LDLRAD3: variants seen among roughly 807,000 people sequenced by gnomAD.
LDLRAD3 encodes the protein low-density lipoprotein receptor class A domain-containing protein 3.
A neutral mutation model predicts 29.4 loss-of-function variants in LDLRAD3; 20 were observed. The observed-to-expected ratio is 0.68, with a 90% CI of 0.48 to 0.99. The LOEUF (loss-of-function observed/expected upper bound fraction) is 0.99. Ranked by LOEUF, LDLRAD3 falls within the 50% of genes least tolerant of loss-of-function variation. The pLI is 0.00. For synonymous variants in LDLRAD3, 157 were observed against 192.7 expected (o/e 0.81, Z 1.53); for missense variants, 420 against 454.3 (o/e 0.92, Z 0.69).
At chr11:36,114,387 G>A (rs1853646822) in intron 4 of LDLRAD3, among the ~76,000 whole-genome samples, 1 of 152,174 alleles carries the variant, frequency 6.6e-6, no homozygotes, top group South Asian at 2.1e-4. Flanking sequence ...TGCCCCAAAT[G>A]TCAAGTGGAA....
chr11:35,981,818 G>A (rs1440912110), intron 1 of LDLRAD3, among the ~76,000 whole-genome samples: 1 of 152,214 alleles, frequency 6.6e-6, no homozygotes, highest in Non-Finnish European at 1.5e-5. Context: ...AGAACACACT[G>A]TGGGGGTGAG....
intron 2 of LDLRAD3, among the ~76,000 whole-genome samples, chr11:36,038,595 T>C (rs1382157248): frequency 6.6e-6 from 1 of 152,186 alleles, no homozygotes; most frequent in Non-Finnish European, 1.5e-5. Flanking sequence ...GTCTCATGAT[T>C]TTAGAATTCA....
At chr11:35,957,584 C>G (rs1851218729) in intron 1 of LDLRAD3, among the ~76,000 whole-genome samples, 1 of 152,010 alleles carries the variant, frequency 6.6e-6, no homozygotes, top group Non-Finnish European at 1.5e-5. Flanking sequence ...ATCACCTGAG[C>G]TCAGGAGTTT....
chr11:35,987,586 G>T (rs971899924), intron 1 of LDLRAD3, among the ~76,000 whole-genome samples: 7 of 152,170 alleles, frequency 4.6e-5, no homozygotes, highest in African/African-American at 1.4e-4. Context: ...CAGAGGACAA[G>T]ATTTTGTTAT....
chr11:36,160,379 G>C (rs1854421520), intron 4 of LDLRAD3, among the ~76,000 whole-genome samples: 1 of 152,266 alleles, frequency 6.6e-6, no homozygotes, highest in Non-Finnish European at 1.5e-5. Context: ...GGGAGTGAAT[G>C]GCAGCTTAGC....
intron 4 of LDLRAD3, among the ~76,000 whole-genome samples, chr11:36,147,267 A>G (rs1435729588): frequency 2.0e-5 from 3 of 150,642 alleles, no homozygotes; most frequent in Admixed American, 6.6e-5. Flanking sequence ...ACAGGCACCC[A>G]CCACCACACC....
intron 3 of LDLRAD3, among the ~76,000 whole-genome samples, chr11:36,088,876 C>T (rs963796590): frequency 2.6e-5 from 4 of 152,196 alleles, no homozygotes. Context: ...CAAATGTCAA[C>T]TCATCAGAGA....
chr11:36,010,612 A>C (rs1851943259), intron 1 of LDLRAD3, among the ~76,000 whole-genome samples: 1 of 152,140 alleles, frequency 6.6e-6, no homozygotes. Flanking sequence ...CAAGTTCTAT[A>C]GTCTGGCACT....
chr11:36,049,874 C>T (rs1002139853), intron 2 of LDLRAD3, among the ~76,000 whole-genome samples: 5 of 152,170 alleles, frequency 3.3e-5, no homozygotes, highest in African/African-American at 1.2e-4. Context: ...GGCAAAAAAT[C>T]AGTGTCTCAG....
chr11:36,064,007 T>G (rs1179612175), intron 2 of LDLRAD3, among the ~76,000 whole-genome samples: 1 of 152,202 alleles, frequency 6.6e-6, no homozygotes, highest in Non-Finnish European at 1.5e-5. Flanking sequence ...TTGGGGAGTA[T>G]TGCCATCTTA....
intron 1 of LDLRAD3, among the ~76,000 whole-genome samples, chr11:35,966,384 C>T (rs772600411): frequency 6.6e-5 from 10 of 152,192 alleles, no homozygotes; most frequent in Non-Finnish European, 1.3e-4. Context: ...GAGATCGCAC[C>T]ACTGCACTCC....
chr11:36,034,920 C>G (rs188119545), intron 1 of LDLRAD3, among the ~76,000 whole-genome samples: 126 of 152,308 alleles, frequency 8.3e-4, no homozygotes, highest in Admixed American at 2.2e-3. Flanking sequence ...ATCTGGAAAT[C>G]TAGAGATGCT....
At chr11:36,200,829 G>T (rs1855116833) in intron 4 of LDLRAD3, among the ~76,000 whole-genome samples, 1 of 152,212 alleles carries the variant, frequency 6.6e-6, no homozygotes, top group African/African-American at 2.4e-5. Context: ...TATATGTCAG[G>T]AACTCTTAGG....
chr11:36,186,209 T>C (rs1329371713), intron 4 of LDLRAD3, among the ~76,000 whole-genome samples: 1 of 152,150 alleles, frequency 6.6e-6, no homozygotes, highest in Non-Finnish European at 1.5e-5. Context: ...ATCTATGAAG[T>C]GGAAATAATG....
intron 3 of LDLRAD3, 42 bp from the exon 4 acceptor site, chr11:36,098,285 T>C: frequency 6.2e-7 from 1 of 1,611,432 alleles, no homozygotes; most frequent in African/African-American, 1.3e-5. Context: ...CCAAGGGAAC[T>C]TGCTGGCCTC....
chr11:35,948,007 G>T (rs1187621064), intron 1 of LDLRAD3, among the ~76,000 whole-genome samples: 1 of 152,198 alleles, frequency 6.6e-6, no homozygotes, highest in East Asian at 1.9e-4. Context: ...ATGTGAAGAT[G>T]AAACTTTTTC....
chr11:36,044,286 AGTTAGAAAGGACT>A (rs1207020674), intron 2 of LDLRAD3, among the ~76,000 whole-genome samples: 1 of 152,184 alleles, frequency 6.6e-6, no homozygotes, highest in Non-Finnish European at 1.5e-5. Context: ...GCCGTAAGCC[AGTTAGAAAGGACT>A]GGATTTAAAC....
intron 4 of LDLRAD3, among the ~76,000 whole-genome samples, chr11:36,107,483 A>C (rs1036776960): frequency 6.6e-6 from 1 of 152,214 alleles, no homozygotes; most frequent in Non-Finnish European, 1.5e-5. Context: ...GGTGTGAGCC[A>C]CCATGCCCAG....
chr11:36,074,031 T>G (rs1216457809), intron 2 of LDLRAD3, among the ~76,000 whole-genome samples: 1 of 152,202 alleles, frequency 6.6e-6, no homozygotes, highest in East Asian at 1.9e-4. Flanking sequence ...GAAAAAGATA[T>G]CTGTGAAACA....
Sources: gnomAD v4.1 joint callset for allele counts (sites outside exome capture counted in the v4.1 genomes callset) on GRCh38, gnomAD v4.1.1 for gene constraint, MANE v1.5 for transcripts, NCBI Gene and HGNC (gene_info 2026-07-23, HGNC 2026-07-21) for gene names.